Variants in RANBP2 observed in about 807,000 individuals in gnomAD.
The protein encoded by RANBP2 is RAN binding protein 2.
A neutral mutation model predicts 303.6 loss-of-function variants in RANBP2; 57 were observed. That is an observed-to-expected ratio of 0.19 (90% CI 0.15 to 0.23). RANBP2 has a LOEUF of 0.23. Ranked by LOEUF, RANBP2 falls within the 10% of genes least tolerant of loss-of-function variation. The pLI, the probability that RANBP2 is intolerant of heterozygous loss-of-function variation, is 1.00. For synonymous variants in RANBP2, 1,167 were observed against 1,301.5 expected (o/e 0.90, Z 2.23); for missense variants, 3,138 against 3,780.8 (o/e 0.83, Z 4.46).
At chr2:109,127,655 G>A in the RANBP2 span, 3 of 152,142 alleles carry the variant, frequency 2.0e-5, no homozygotes, top group African/African-American at 7.2e-5. Flanking sequence ...GACTAGCCTG[G>A]GCAACATAAG....
At chr2:109,430,442 C>A in the RANBP2 span, among the ~76,000 whole-genome samples, 1 of 152,010 alleles carries the variant, frequency 6.6e-6, no homozygotes, top group Non-Finnish European at 1.5e-5. Flanking sequence ...TGTGTGGAAG[C>A]CACCCTCCTC....
At chr2:109,472,386 C>T in the RANBP2 span, among the ~76,000 whole-genome samples, 2 of 152,030 alleles carry the variant, frequency 1.3e-5, no homozygotes, top group African/African-American at 4.8e-5. Context: ...AAGCAATCTT[C>T]CTTAAGAAGC....
chr2:109,322,998 C>A, the RANBP2 span, among the ~76,000 whole-genome samples: 26 of 152,292 alleles, frequency 1.7e-4, no homozygotes, highest in Admixed American at 5.9e-4. Flanking sequence ...GGCTGCTGAG[C>A]TGTGTTGCAG....
At chr2:109,182,349 A>G in the RANBP2 span, among the ~76,000 whole-genome samples, 3 of 152,176 alleles carry the variant, frequency 2.0e-5, no homozygotes, top group Admixed American at 6.5e-5. Context: ...CTCCCATGAC[A>G]ATGGCATTAA....
chr2:109,442,845 C>A, the RANBP2 span, among the ~76,000 whole-genome samples: 1 of 152,260 alleles, frequency 6.6e-6, no homozygotes, highest in Middle Eastern at 3.4e-3. Context: ...TAGGTTTAAA[C>A]CTAATCATGT....
the RANBP2 span, among the ~76,000 whole-genome samples, chr2:108,943,310 A>T: frequency 1.3e-5 from 2 of 152,164 alleles, no homozygotes. Context: ...ACCCTGGGAG[A>T]AACAGAGGGG....
the RANBP2 span, among the ~76,000 whole-genome samples, chr2:109,294,573 T>A: frequency 6.7e-5 from 9 of 135,122 alleles, no homozygotes; most frequent in Middle Eastern, 3.6e-3. Context: ...AAAAAAAAAA[T>A]TAATTAAAAA....
At chr2:108,865,600 G>C in the RANBP2 span, among the ~76,000 whole-genome samples, 8 of 152,126 alleles carry the variant, frequency 5.3e-5, no homozygotes, top group African/African-American at 1.9e-4. Context: ...AAACCTTCAT[G>C]CCAGTCCTAT....
At chr2:108,876,247 C>T in the RANBP2 span, 1 of 1,580,258 alleles carries the variant, frequency 6.3e-7, no homozygotes, top group Non-Finnish European at 8.6e-7. Flanking sequence ...CCAGTGCAAG[C>T]CCTTAGACTG....
At chr2:109,187,971 A>T in the RANBP2 span, among the ~76,000 whole-genome samples, 1 of 152,032 alleles carries the variant, frequency 6.6e-6, no homozygotes, top group Admixed American at 6.6e-5. Flanking sequence ...GGCGGTAGGG[A>T]TTGTAAGGAA....
At chr2:109,502,758 C>T in the RANBP2 span, 8 of 152,216 alleles carry the variant, frequency 5.3e-5, no homozygotes, top group East Asian at 5.8e-4. Flanking sequence ...CAACCCCAGC[C>T]GGGAAGGCAA....
the RANBP2 span, among the ~76,000 whole-genome samples, chr2:109,698,480 C>A: frequency 6.7e-6 from 1 of 149,910 alleles, no homozygotes; most frequent in African/African-American, 2.4e-5. Context: ...AAAAAAAATA[C>A]ATAAATAAAT....
chr2:109,048,898 G>A, the RANBP2 span, among the ~76,000 whole-genome samples: 2 of 152,190 alleles, frequency 1.3e-5, no homozygotes, highest in Admixed American at 1.3e-4. Flanking sequence ...AATGAGAATT[G>A]TGTTTTCTCA....
chr2:109,419,992 C>T, the RANBP2 span, among the ~76,000 whole-genome samples: 2 of 152,116 alleles, frequency 1.3e-5, no homozygotes, highest in Non-Finnish European at 2.9e-5. Context: ...GAAGCAGGTG[C>T]GCAGAGCAGC....
At chr2:109,608,122 C>A in the RANBP2 span, among the ~76,000 whole-genome samples, 2 of 152,154 alleles carry the variant, frequency 1.3e-5, no homozygotes, top group Non-Finnish European at 2.9e-5. Context: ...ACAAAAGCAG[C>A]TTTTTATTTT....
the RANBP2 span, among the ~76,000 whole-genome samples, chr2:109,659,733 C>T: frequency 2.0e-5 from 3 of 152,192 alleles, no homozygotes; most frequent in Non-Finnish European, 4.4e-5. Context: ...CTGAGGGGGC[C>T]GCGGGGCCGG....
chr2:109,421,791 C>T, the RANBP2 span, among the ~76,000 whole-genome samples: 5 of 152,298 alleles, frequency 3.3e-5, no homozygotes, highest in South Asian at 4.1e-4. Context: ...CACAGTGGCC[C>T]TCCATGCAGG....
chr2:109,726,659 GT>G, the RANBP2 span, among the ~76,000 whole-genome samples: 3 of 152,112 alleles, frequency 2.0e-5, no homozygotes, highest in Non-Finnish European at 4.4e-5. Context: ...GAGTCTTCGA[GT>G]TTTTTTAGTT....
chr2:108,789,036 C>T (rs1055765369), downstream of RANBP2: 8 of 1,546,268 alleles, frequency 5.2e-6, no homozygotes, highest in Non-Finnish European at 7.1e-6. Flanking sequence ...GAGAAAAGGG[C>T]AGGTTATATT....
Sources: gnomAD v4.1 joint callset for allele counts (sites outside exome capture counted in the v4.1 genomes callset) on GRCh38, gnomAD v4.1.1 for gene constraint, MANE v1.5 for transcripts, NCBI Gene and HGNC (gene_info 2026-07-23, HGNC 2026-07-21) for gene names.